The following MAGEC3 variants were observed in gnomAD, a reference collection of about 807,000 sequenced individuals.
The protein encoded by MAGEC3 is MAGE family member C3.
MAGEC3 carries 34 observed loss-of-function variants against 35.3 expected under a neutral mutation model. The ratio of observed to expected loss-of-function variants is 0.96; its 90% CI spans 0.73 to 1.28. The LOEUF is 1.28. Ranked by LOEUF, MAGEC3 falls within the 50% of genes most tolerant of loss-of-function variation. MAGEC3 has a pLI of 0.00. For synonymous variants in MAGEC3, 202 were observed against 185.6 expected, an observed-to-expected ratio of 1.09 and a Z score of -0.72; for missense variants, 561 against 483.6, an observed-to-expected ratio of 1.16 and a Z score of -1.50.
At position 141,873,703 on chromosome X, in the gene MAGEC3, A is replaced by AT. The variant is rs749512839; in HGVS notation, c.259-5471dup. Among the ~76,000 whole-genome samples, 14 of 111,952 alleles carry AT rather than the reference A, an allele frequency of 1.3e-4. No individual in the cohort carries two copies. In the South Asian group the frequency reaches 5.3e-3, roughly 42 times the overall value. ...GCACAAGGTCTGTATAAAGAAAACT[A>AT]TAAGACTCTAATGAATGGAATGAAG... On this transcript the variant is annotated intron_variant, in intron 2 of 7. Coordinates refer to ENST00000298296, the MANE Select transcript of MAGEC3 (RefSeq NM_138702.1).
intron 2 of MAGEC3, among the ~76,000 whole-genome samples, chrX:141,878,872 T>C (rs1156537400): frequency 9.0e-6 from 1 of 111,397 alleles, no homozygotes; most frequent in African/African-American, 3.3e-5. Flanking sequence ...TCCCAGGCCA[T>C]GTCAGGAATA....
chrX:141,887,994 C>T (rs2018014675), intron 4 of MAGEC3, among the ~76,000 whole-genome samples: 1 of 112,113 alleles, frequency 8.9e-6, no homozygotes, highest in Non-Finnish European at 1.9e-5. Context: ...TGCTTTCTGT[C>T]CCATCTAGCC....
intron 4 of MAGEC3, among the ~76,000 whole-genome samples, chrX:141,885,772 T>C (rs1054672562): frequency 9.0e-6 from 1 of 110,648 alleles, no homozygotes; most frequent in Non-Finnish European, 1.9e-5. Flanking sequence ...GCCTGATTTC[T>C]TGCCTTGGTT....
intron 4 of MAGEC3, among the ~76,000 whole-genome samples, chrX:141,887,234 G>A (rs1458958116): frequency 8.9e-6 from 1 of 112,272 alleles, no homozygotes; most frequent in East Asian, 2.8e-4. Flanking sequence ...ATACCTCAGG[G>A]GTACATCCAC....
intron 1 of MAGEC3, among the ~76,000 whole-genome samples, chrX:141,851,270 A>G (rs183761260): frequency 4.5e-4 from 50 of 110,317 alleles, no homozygotes; most frequent in African/African-American, 1.5e-3. Context: ...TGGTAGGTAA[A>G]TTGATGATGA....
intron 4 of MAGEC3, among the ~76,000 whole-genome samples, chrX:141,883,266 T>C (rs1391847703): frequency 8.0e-5 from 9 of 112,217 alleles, no homozygotes. Flanking sequence ...GTCCATTCCA[T>C]TGAAAGGTCA....
chrX:141,855,521 CAT>C (rs60208585), intron 1 of MAGEC3, among the ~76,000 whole-genome samples: 11,043 of 110,612 alleles, frequency 0.1, 470 homozygotes, highest in Non-Finnish European at 0.13. Context: ...TATGATATAA[CAT>C]GTGTAGAAAG....
intron 3 of MAGEC3, among the ~76,000 whole-genome samples, chrX:141,880,232 A>G (rs958728971): frequency 5.4e-5 from 6 of 111,887 alleles, no homozygotes; most frequent in Admixed American, 1.9e-4. Context: ...AGGCCAGCCC[A>G]ACTGCCCCCG....
chrX:141,863,656 T>C (rs1048912582), intron 1 of MAGEC3, among the ~76,000 whole-genome samples: 1 of 111,206 alleles, frequency 9.0e-6, no homozygotes, highest in African/African-American at 3.3e-5. Context: ...CATTTTAAAA[T>C]ATGCAAGGTA....
intron 1 of MAGEC3, among the ~76,000 whole-genome samples, chrX:141,864,243 G>A (rs1196795036): frequency 1.9e-5 from 2 of 104,953 alleles, no homozygotes; most frequent in Non-Finnish European, 3.9e-5. Flanking sequence ...GCTCTGGGTA[G>A]CTGAAGCAGG....
chrX:141,863,904 T>C (rs923076116), intron 1 of MAGEC3, among the ~76,000 whole-genome samples: 1 of 111,572 alleles, frequency 9.0e-6, no homozygotes, highest in African/African-American at 3.3e-5. Context: ...GATGAAAGCA[T>C]TGTATTATCT....
rs774318812 is a variant in MAGEC3, at chrX:141,895,303, T to C, written c.944T>C (p.Leu315Pro). 2 of 1,210,804 alleles carry C rather than the reference T, an allele frequency of 1.7e-6. No individual in the cohort carries two copies. The highest frequency in any genetic ancestry group is 3.5e-5 in the African/African-American group (2 of 57,499). The change falls in exon 5 of 8, where the codon CTT (leucine) becomes CCT (proline). Residue 315 changes from leucine (L) to proline (P), a missense_variant. By Grantham distance (98) the Leu-to-Pro change is moderately conservative. Transcript: ENST00000298296. Reference sequence around the variant, plus strand: ...GCCTTGGCAGGGTTCGCGGATGTGCTTTCCCGACTTGCACTGTGGGAGTCT... The same window carrying C: ...GCCTTGGCAGGGTTCGCGGATGTGCCTTCCCGACTTGCACTGTGGGAGTCT... ...WSALAGFADVLSRLALWESEG... is the reference protein window; with the variant it reads ...WSALAGFADVPSRLALWESEG...
At chrX:141,855,971 A>T (rs2017778062) in intron 1 of MAGEC3, among the ~76,000 whole-genome samples, 1 of 111,529 alleles carries the variant, frequency 9.0e-6, no homozygotes, top group Non-Finnish European at 1.9e-5. Flanking sequence ...CTAAGAAACC[A>T]TCTGGAGCAA....
rs777272623 is a variant in MAGEC3, at chrX:141,896,640, A to G, written c.1124-242A>G. ...CTCACACGTTTACCTGCTGCTCCTG[A>G]ACAACAGGCCTCATGCCTCTCTTTC... On this transcript the variant is annotated intron_variant, in intron 6 of 7. Transcript: ENST00000298296. 16 of 1,202,248 alleles carry G rather than the reference A, an allele frequency of 1.3e-5. No homozygotes were observed. In the Middle Eastern group the frequency reaches 9.3e-4, roughly 70 times the overall value.
chrX:141,840,632 T>C (rs886299990), intron 1 of MAGEC3, among the ~76,000 whole-genome samples: 1 of 111,524 alleles, frequency 9.0e-6, no homozygotes, highest in African/African-American at 3.3e-5. Context: ...GTGCCTCTCC[T>C]CACTAAATTG....
At chrX:141,875,281 T>C (rs766008219) in intron 2 of MAGEC3, among the ~76,000 whole-genome samples, 1 of 111,573 alleles carries the variant, frequency 9.0e-6, no homozygotes, top group South Asian at 3.8e-4. Flanking sequence ...ATCAAGTATA[T>C]CAAAACATGT....
At chrX:141,873,254 A>G (rs2017899822) in intron 2 of MAGEC3, among the ~76,000 whole-genome samples, 1 of 110,874 alleles carries the variant, frequency 9.0e-6, no homozygotes, top group South Asian at 3.9e-4. Flanking sequence ...ATCTGTTCCC[A>G]TACCTCTTCC....
chrX:141,855,745 G>A (rs2017776878), intron 1 of MAGEC3, among the ~76,000 whole-genome samples: 1 of 111,532 alleles, frequency 9.0e-6, no homozygotes. Flanking sequence ...TAGCTAAATT[G>A]AAAATAGTTA....
chrX:141,880,526 G>A (rs1444815349), intron 3 of MAGEC3: 1 of 225,742 alleles, frequency 4.4e-6, no homozygotes, highest in East Asian at 1.5e-4. Flanking sequence ...CAGGAACCAG[G>A]AGTTGAAGAC....
Sources: gnomAD v4.1 joint callset for allele counts (sites outside exome capture counted in the v4.1 genomes callset) on GRCh38, gnomAD v4.1.1 for gene constraint, MANE v1.5 for transcripts, NCBI Gene and HGNC (gene_info 2026-07-23, HGNC 2026-07-21) for gene names.